SLC17A1: variants seen among roughly 807,000 people sequenced by gnomAD.
The protein encoded by SLC17A1 is sodium-dependent phosphate transport protein 1.
A neutral mutation model predicts 53.5 loss-of-function variants in SLC17A1; 51 were observed. The observed-to-expected ratio is 0.95, with a 90% CI of 0.76 to 1.20. The LOEUF is 1.20. Among genes scored for constraint, SLC17A1 ranks in the 50% most tolerant of loss-of-function variants. The probability of loss-of-function intolerance (pLI) is 0.00; values close to 1 mark genes in which losing one functional copy is unlikely to be tolerated. For synonymous variants in SLC17A1, 179 were observed against 198.8 expected (o/e 0.90, Z 0.84); for missense variants, 538 against 568.2 (o/e 0.95, Z 0.54).
At chr6:25,733,806 ATG>A in the SLC17A1 span, among the ~76,000 whole-genome samples, 40,621 of 133,208 alleles carry the variant, frequency 0.3, 5,610 homozygotes, top group Non-Finnish European at 0.33. Context: ...GTGTGTGTGT[ATG>A]TGTGTGTGTG....
At chr6:25,790,486 T>G (rs974053888) in intron 12 of SLC17A1, among the ~76,000 whole-genome samples, 1 of 152,194 alleles carries the variant, frequency 6.6e-6, no homozygotes, top group African/African-American at 2.4e-5. Flanking sequence ...CCATTGCCCC[T>G]TCAAACTAAT....
chr6:25,736,903 G>T, the SLC17A1 span, among the ~76,000 whole-genome samples: 1 of 152,178 alleles, frequency 6.6e-6, no homozygotes, highest in Non-Finnish European at 1.5e-5. Flanking sequence ...AGAAAATTAT[G>T]ACAGTGAAAG....
At chr6:25,735,812 T>C in the SLC17A1 span, among the ~76,000 whole-genome samples, 3 of 152,208 alleles carry the variant, frequency 2.0e-5, no homozygotes, top group East Asian at 5.8e-4. Flanking sequence ...ATGATGAAAA[T>C]GGTCAATCAG....
intron 12 of SLC17A1, among the ~76,000 whole-genome samples, chr6:25,793,028 A>G (rs1763535088): frequency 1.3e-5 from 2 of 152,198 alleles, no homozygotes; most frequent in Non-Finnish European, 1.5e-5. Context: ...GGATTTGATT[A>G]TAGACAGAAT....
At chr6:25,799,700 G>T (rs1763697525) in intron 11 of SLC17A1, among the ~76,000 whole-genome samples, 2 of 152,120 alleles carry the variant, frequency 1.3e-5, no homozygotes, top group African/African-American at 4.8e-5. Flanking sequence ...AGACAATTTT[G>T]GACAGTTCTG....
the SLC17A1 span, among the ~76,000 whole-genome samples, chr6:25,744,583 G>C: frequency 6.6e-6 from 1 of 152,094 alleles, no homozygotes; most frequent in Non-Finnish European, 1.5e-5. Context: ...TGAAAATACA[G>C]TACATTTTAG....
chr6:25,773,371 T>G, the SLC17A1 span: 1 of 1,613,836 alleles, frequency 6.2e-7, no homozygotes, highest in Non-Finnish European at 8.5e-7. Flanking sequence ...AAGAGATACA[T>G]TGTGTGTTCA....
At chr6:25,823,992 G>A (rs1309597875) in intron 3 of SLC17A1, among the ~76,000 whole-genome samples, 2 of 151,856 alleles carry the variant, frequency 1.3e-5, no homozygotes, top group African/African-American at 4.8e-5. Context: ...AGGCAATTCA[G>A]TGGAGAAAGA....
chr6:25,726,842 G>C, the SLC17A1 span: 1 of 1,518,872 alleles, frequency 6.6e-7, no homozygotes, highest in African/African-American at 1.4e-5. Context: ...AAGAGCTGTT[G>C]AGCACTGGAA....
chr6:25,731,430 T>C, the SLC17A1 span, among the ~76,000 whole-genome samples: 1 of 152,208 alleles, frequency 6.6e-6, no homozygotes, highest in African/African-American at 2.4e-5. Flanking sequence ...CCTTTTTTGC[T>C]GTCATCGTAG....
chr6:25,820,835 C>G (rs9467617), intron 3 of SLC17A1, among the ~76,000 whole-genome samples: 2,053 of 143,578 alleles, frequency 0.014, 29 homozygotes, highest in African/African-American at 0.04. Flanking sequence ...GGAGGTGGAG[C>G]TTGCAGTGAC....
At chr6:25,830,817 A>G (rs1432646134) in intron 1 of SLC17A1, among the ~76,000 whole-genome samples, 6 of 152,198 alleles carry the variant, frequency 3.9e-5, no homozygotes, top group Non-Finnish European at 7.3e-5. Flanking sequence ...AAGACCTGAA[A>G]ACTACAGAGA....
the SLC17A1 span, among the ~76,000 whole-genome samples, chr6:25,764,960 G>A: frequency 6.6e-6 from 1 of 152,146 alleles, no homozygotes; most frequent in South Asian, 2.1e-4. Flanking sequence ...CCCTTGAATT[G>A]GTGAAAGAAT....
At chr6:25,782,777 G>A (rs190292759), downstream of SLC17A1, 30 of 152,252 alleles carry the variant, frequency 2.0e-4, no homozygotes, top group African/African-American at 5.1e-4. Flanking sequence ...CGAGGGAGCT[G>A]ACTTGTGCTG....
chr6:25,751,129 T>C, the SLC17A1 span, among the ~76,000 whole-genome samples: 2 of 152,210 alleles, frequency 1.3e-5, no homozygotes, highest in African/African-American at 4.8e-5. Context: ...TGGGTGTGCA[T>C]GGGTGTGTAG....
the SLC17A1 span, among the ~76,000 whole-genome samples, chr6:25,736,978 C>T: frequency 6.6e-6 from 1 of 152,184 alleles, no homozygotes; most frequent in Non-Finnish European, 1.5e-5. Context: ...AACCTCCAAA[C>T]CGCCCTTGGT....
At chr6:25,791,444 C>T (rs2151475998) in intron 12 of SLC17A1, among the ~76,000 whole-genome samples, 1 of 151,994 alleles carries the variant, frequency 6.6e-6, no homozygotes, top group Non-Finnish European at 1.5e-5. Context: ...AAATATTAAG[C>T]CCAGAAATAG....
chr6:25,775,000 A>T, the SLC17A1 span, among the ~76,000 whole-genome samples: 1 of 152,174 alleles, frequency 6.6e-6, no homozygotes, highest in African/African-American at 2.4e-5. Flanking sequence ...AGTTTAATTG[A>T]TAACAACAAG....
intron 10 of SLC17A1, among the ~76,000 whole-genome samples, chr6:25,808,643 T>C (rs1240091071): frequency 6.6e-6 from 1 of 151,942 alleles, no homozygotes; most frequent in Non-Finnish European, 1.5e-5. Context: ...ACAATAAGCA[T>C]ATGAAAAAAC....
Sources: gnomAD v4.1 joint callset for allele counts (sites outside exome capture counted in the v4.1 genomes callset) on GRCh38, gnomAD v4.1.1 for gene constraint, MANE v1.5 for transcripts, NCBI Gene and HGNC (gene_info 2026-07-23, HGNC 2026-07-21) for gene names.